Variants in KIAA1217 observed in about 807,000 individuals in gnomAD.
The protein encoded by KIAA1217 is KIAA1217.
A neutral mutation model predicts 163.9 loss-of-function variants in KIAA1217; 88 were observed. The observed-to-expected ratio is 0.54, with a 90% confidence interval of 0.45 to 0.64. The LOEUF (loss-of-function observed/expected upper bound fraction) is 0.64, where lower values mean the gene tolerates loss of function less well. Among genes scored for constraint, KIAA1217 ranks in the 30% least tolerant of loss-of-function variants. The probability of loss-of-function intolerance (pLI) is 0.00; values close to 1 mark genes in which losing one functional copy is unlikely to be tolerated. For missense variants in KIAA1217, 2,372 were observed against 2,475.0 expected (o/e 0.96, Z 0.88); for synonymous variants, 903 against 923.1 (o/e 0.98, Z 0.39).
intron 1 of KIAA1217, among the ~76,000 whole-genome samples, chr10:23,775,559 T>C (rs7082976): frequency 0.18 from 27,686 of 152,048 alleles, 2,672 homozygotes; most frequent in Middle Eastern, 0.27. Flanking sequence ...CGTCCCCAAG[T>C]CACACACGTC....
At position 24,546,804 on chromosome 10, in the gene KIAA1217, A is replaced by G. The variant is rs1264515135; in HGVS notation, c.*480A>G. 1 of 153,930 alleles carries G rather than the reference A, an allele frequency of 6.5e-6. No homozygotes were observed. Among genetic ancestry groups the G allele is most frequent in the African/African-American group, 2.4e-5 (1 of 41,450 alleles). 9.5% of individuals were successfully genotyped at this position (153,930 alleles called of 1,614,324 possible). On this transcript the variant is annotated 3_prime_UTR_variant, in exon 21 of 21. Transcript: ENST00000376454. ...TTATTTAGCTTTATTACAGATTTCT[A>G]TTTTTGTCAAAACTTCATGGTTCCT...
chr10:24,544,065 A>G lies in KIAA1217; in HGVS notation c.4795A>G (p.Thr1599Ala). ...IRTGTKTGKK[T>A]LQVVVYEEEE... ...CACCGGAACTAAAACAGGGAAGAAGACTTTGCAAGTGGTAGTCTATGAAGA... is the reference window on the plus strand; with the variant it reads ...CACCGGAACTAAAACAGGGAAGAAGGCTTTGCAAGTGGTAGTCTATGAAGA... The change falls in exon 19 of 21, where the codon ACT becomes GCT. Residue 1599 changes from threonine to alanine, a missense_variant. Transcript: ENST00000376454. 6.2e-7 allele frequency: 1 copy of G among 1,614,168 alleles called. No individual in the cohort carries two copies. Among genetic ancestry groups the G allele is most frequent in the Non-Finnish European group, 8.5e-7 (1 of 1,180,034 alleles).
intron 2 of KIAA1217, among the ~76,000 whole-genome samples, chr10:24,023,942 G>A (rs540616866): frequency 2.4e-4 from 36 of 151,426 alleles, no homozygotes; most frequent in Non-Finnish European, 4.0e-4. Context: ...GATCAGATTA[G>A]AGGTTCCAAG....
At chr10:24,450,941 T>G (rs1421937625) in intron 5 of KIAA1217, among the ~76,000 whole-genome samples, 1 of 152,216 alleles carries the variant, frequency 6.6e-6, no homozygotes, top group Non-Finnish European at 1.5e-5. Flanking sequence ...TATATAATGT[T>G]TACGTGGCTT....
intron 2 of KIAA1217, among the ~76,000 whole-genome samples, chr10:24,147,832 CAAAAAAAAAAA>C (rs1176106711): frequency 0.15 from 3,046 of 20,822 alleles, 47 homozygotes; most frequent in Non-Finnish European, 0.21. Context: ...TACTCTGTCT[CAAAAAAAAAAA>C]AAAAAAAAAA....
chr10:24,542,383 T>C (rs1282340897), intron 17 of KIAA1217: 1 of 473,042 alleles, frequency 2.1e-6, no homozygotes, highest in Non-Finnish European at 3.4e-6. Context: ...GCTCACAATC[T>C]GATGTTGAAA....
chr10:24,287,193 G>A (rs2078628504), intron 2 of KIAA1217, among the ~76,000 whole-genome samples: 2 of 152,284 alleles, frequency 1.3e-5, no homozygotes, highest in South Asian at 4.1e-4. Flanking sequence ...TGGGATTACA[G>A]GCATGCGCCA....
rs144450239 is a variant in KIAA1217, at chr10:23,969,986, T to C, written c.-320-37239T>C. ...AGGGGTTTTTGCCCTTATAAAACCA[T>C]CAGCTCTTGTGAGATTTACTCACTA... On this transcript the variant is annotated intron_variant, in intron 1 of 18. Coordinates refer to the KIAA1217 transcript ENST00000376462. 3.0e-3 allele frequency among the ~76,000 whole-genome samples: 450 copies of C among 152,118 alleles called. 1 individual carries two copies. The highest frequency in any genetic ancestry group is 0.01 in the African/African-American group (426 of 41,428).
In KIAA1217 at chr10:24,117,044, T is replaced by TGG. The variant is rs1364355321; in HGVS notation, c.-170-102582_-170-102581insGG. Among the ~76,000 whole-genome samples the TGG allele has an allele frequency of 1.4e-3, 214 of 150,654 alleles. 1 individual carries two copies. The highest frequency in any genetic ancestry group is 0.014 in the Middle Eastern group (4 of 290). ...AATAACTCCAAATAGTGTTTTTTTT[T>TGG]TGGGTGGGGGGGGATGGAGTTTTGC... On this transcript the variant is annotated intron_variant, in intron 2 of 18. Transcript: ENST00000376462.
chr10:24,087,519 T>C (rs1209220143), intron 2 of KIAA1217, among the ~76,000 whole-genome samples: 3 of 152,196 alleles, frequency 2.0e-5, no homozygotes, highest in Admixed American at 6.5e-5. Flanking sequence ...TTGTTACAGG[T>C]TTTCTCTGCT....
At chr10:24,160,198 C>A (rs199965236) in intron 2 of KIAA1217, among the ~76,000 whole-genome samples, 2 of 152,028 alleles carry the variant, frequency 1.3e-5, no homozygotes, top group African/African-American at 2.4e-5. Flanking sequence ...ATTCTAGGTT[C>A]TCTCCAATTA....
intron 1 of KIAA1217, among the ~76,000 whole-genome samples, chr10:23,980,460 T>C (rs1845715927): frequency 6.6e-6 from 1 of 152,140 alleles, no homozygotes; most frequent in Non-Finnish European, 1.5e-5. Flanking sequence ...GTTTCACTCA[T>C]CCCCTGCATC....
At chr10:23,961,909 C>A (rs773680432) in intron 1 of KIAA1217, among the ~76,000 whole-genome samples, 11 of 152,118 alleles carry the variant, frequency 7.2e-5, no homozygotes, top group Non-Finnish European at 1.2e-4. Flanking sequence ...CTCTATGTAC[C>A]TGTTTCTGTG....
At chr10:23,868,738 C>A (rs1478535177) in intron 1 of KIAA1217, among the ~76,000 whole-genome samples, 4 of 152,162 alleles carry the variant, frequency 2.6e-5, no homozygotes, top group Admixed American at 6.5e-5. Flanking sequence ...TCCTGGCTCT[C>A]AGGCCTGCTG....
rs1359596354 is a variant in KIAA1217 at position 24,410,975 on chromosome 10, G to A, written c.554-22020G>A. ...TACTAAATGCCTCCCAGCACACACA[G>A]GACTCAGTGTTATGTTCTTTTTTTC... On this transcript the variant is annotated intron_variant, in intron 3 of 20. Transcript: ENST00000376454. Among the ~76,000 whole-genome samples the A allele has an allele frequency of 3.9e-5, 6 of 152,180 alleles. No homozygotes were observed. The South Asian group carries it at 1.0e-3, about 26-fold the overall frequency.
chr10:24,090,110 C>T (rs1036200888), intron 2 of KIAA1217, among the ~76,000 whole-genome samples: 13 of 150,592 alleles, frequency 8.6e-5, no homozygotes, highest in African/African-American at 2.7e-4. Flanking sequence ...TGCTCAGTTG[C>T]TGGAATTTAG....
chr10:24,404,041 C>T (rs977482459), intron 3 of KIAA1217, among the ~76,000 whole-genome samples: 4 of 152,080 alleles, frequency 2.6e-5, no homozygotes, highest in Non-Finnish European at 4.4e-5. Flanking sequence ...CACCATAGCC[C>T]CCATCTCCCA....
At chr10:24,520,651 A>AAAAAAATATATATATATATAT (rs1554926857) in intron 11 of KIAA1217, among the ~76,000 whole-genome samples, 1 of 39,660 alleles carries the variant, frequency 2.5e-5, no homozygotes, top group African/African-American at 8.8e-5. Context: ...AAAAAAAAAA[A>AAAAAAATATATATATATATAT]ATATATATAT....
upstream of KIAA1217, among the ~76,000 whole-genome samples, chr10:24,204,988 G>C (rs936703610): frequency 1.3e-5 from 2 of 152,096 alleles, no homozygotes; most frequent in African/African-American, 4.8e-5. Context: ...GAATGCCTTT[G>C]AAAAGTACAT....
Sources: gnomAD v4.1 joint callset for allele counts (sites outside exome capture counted in the v4.1 genomes callset) on GRCh38, gnomAD v4.1.1 for gene constraint, MANE v1.5 for transcripts, NCBI Gene and HGNC (gene_info 2026-07-23, HGNC 2026-07-21) for gene names.